CHRNA3: variants seen among roughly 807,000 people sequenced by gnomAD.
The protein encoded by CHRNA3 is cholinergic receptor nicotinic alpha 3 subunit, also known as neuronal acetylcholine receptor subunit alpha-3.
A neutral mutation model predicts 41.9 loss-of-function variants in CHRNA3; 34 were observed. The ratio of observed to expected loss-of-function variants is 0.81; its 90% CI spans 0.62 to 1.08. The LOEUF is 1.08. CHRNA3 is among the 50% of genes least tolerant of loss of function. CHRNA3 has a pLI of 0.00. For synonymous variants in CHRNA3, 281 were observed against 265.2 expected (o/e 1.06, Z -0.58); for missense variants, 542 against 638.3 (o/e 0.85, Z 1.63).
chr15:78,610,272 A>G (rs1039574803), intron 4 of CHRNA3, among the ~76,000 whole-genome samples: 8 of 152,250 alleles, frequency 5.3e-5, no homozygotes, highest in East Asian at 1.9e-4. Flanking sequence ...CAGAACATAC[A>G]TTTTTTTCAG....
Position 78,596,023 on chromosome 15 carries a change from A to T in CHRNA3, c.*581T>A, listed in dbSNP as rs1175137204. On this transcript the variant is annotated 3_prime_UTR_variant, in exon 6 of 6. Transcript: ENST00000326828. ...CAGTTTATGGTGTACTAAGACAGTT[A>T]TATTAACAATGAATAACTAGGCATG... 1.0e-6 allele frequency: 1 copy of T among 965,538 alleles called. No homozygotes were observed. Among genetic ancestry groups the T allele is most frequent in the Non-Finnish European group, 1.2e-6 (1 of 812,228 alleles). The allele number at this position is 965,538 out of a possible 1,614,324, so 59.8% of individuals were successfully genotyped here.
intron 5 of CHRNA3, among the ~76,000 whole-genome samples, chr15:78,598,730 G>C (rs1393177006): frequency 6.6e-6 from 1 of 152,056 alleles, no homozygotes; most frequent in Non-Finnish European, 1.5e-5. Context: ...GTAGAGATGG[G>C]GTTTTATGTT....
chr15:78,596,678 C>G lies in CHRNA3; in HGVS notation c.1444G>C (p.Val482Leu), dbSNP rs766591602. Reference sequence around the variant, plus strand: ...CCTAGAATGCACACCAGGGTGAAAACCCACAGAAAAATACGATCAATCACC... The same window carrying G: ...CCTAGAATGCACACCAGGGTGAAAAGCCACAGAAAAATACGATCAATCACC... ...AMVIDRIFLWVFTLVCILGTA... is the reference protein window; with the variant it reads ...AMVIDRIFLWLFTLVCILGTA... The change falls in exon 6 of 6, where the codon GTT (valine) becomes CTT (leucine). Residue 482 changes from valine (V) to leucine (L), a missense_variant. Coordinates refer to ENST00000326828, the MANE Select transcript of CHRNA3 (RefSeq NM_000743.5). 1 of 1,613,196 alleles carries G rather than the reference C, an allele frequency of 6.2e-7. No individual in the cohort carries two copies. The highest frequency in any genetic ancestry group is 8.5e-7 in the Non-Finnish European group (1 of 1,179,882).
At chr15:78,594,700 TTC>T (rs1428891705), downstream of CHRNA3, 1 of 152,196 alleles carries the variant, frequency 6.6e-6, no homozygotes, top group Non-Finnish European at 1.5e-5. Context: ...GTCTAAATCA[TTC>T]TGTGAGAAAA....
chr15:78,618,572 C>G (rs754240242), intron 3 of CHRNA3, 45 bp downstream of exon 3: 2 of 1,611,326 alleles, frequency 1.2e-6, no homozygotes, highest in Non-Finnish European at 8.5e-7. Context: ...GCAAATAAAA[C>G]AGTCACCACC....
chr15:78,600,676 G>C (rs1368778960), intron 5 of CHRNA3, among the ~76,000 whole-genome samples: 3 of 152,062 alleles, frequency 2.0e-5, no homozygotes, highest in African/African-American at 7.2e-5. Context: ...CGAGGAGTCT[G>C]AGACCAACCT....
intron 4 of CHRNA3, among the ~76,000 whole-genome samples, chr15:78,604,903 C>T (rs576229459): frequency 1.9e-4 from 29 of 152,172 alleles, no homozygotes; most frequent in Non-Finnish European, 3.5e-4. Context: ...ATCCCAGCTA[C>T]TCGGGAGGCT....
chr15:78,607,866 A>C (rs1311695449), intron 4 of CHRNA3, among the ~76,000 whole-genome samples: 3 of 152,196 alleles, frequency 2.0e-5, no homozygotes, highest in Non-Finnish European at 4.4e-5. Context: ...GGTCACTCCC[A>C]CCCTAATACT....
intron 5 of CHRNA3, among the ~76,000 whole-genome samples, chr15:78,600,388 A>T (rs901816906): frequency 2.0e-5 from 3 of 152,152 alleles, no homozygotes; most frequent in Admixed American, 2.0e-4. Context: ...GATGGTGGGT[A>T]CCAAGCAGGG....
At chr15:78,606,164 T>C (rs528821495) in intron 4 of CHRNA3, among the ~76,000 whole-genome samples, 1 of 150,776 alleles carries the variant, frequency 6.6e-6, no homozygotes, top group South Asian at 2.1e-4. Flanking sequence ...CTACCAAAAA[T>C]ACAAAAAAAA....
Position 78,597,173 on chromosome 15 carries a change from T to C in CHRNA3, c.1390-441A>G, listed in dbSNP as rs536071445. ...TTGGCGCAGTGGCTCACGCCTGTAA[T>C]CCCAGCACTTTGGGAGGCTGAGATC... On this transcript the variant is annotated intron_variant, in intron 5 of 5. Coordinates refer to ENST00000326828, the MANE Select transcript of CHRNA3 (RefSeq NM_000743.5). Among the ~76,000 whole-genome samples, 13 of 152,342 alleles carry C rather than the reference T, an allele frequency of 8.5e-5. No homozygotes were observed. In the South Asian group the frequency reaches 2.7e-3, roughly 32 times the overall value.
Position 78,601,442 on chromosome 15 carries a change from C to T in CHRNA3, c.1200G>A (p.Gly400=), listed in dbSNP as rs780382754. 2 of 1,614,144 alleles carry T rather than the reference C, an allele frequency of 1.2e-6. No homozygotes were observed. The highest frequency in any genetic ancestry group is 2.2e-5 in the East Asian group (1 of 44,860). The change falls in exon 5 of 6, where the codon GGG becomes GGA. Residue 400 remains glycine (G), a synonymous_variant. Transcript: ENST00000326828. The part of the protein sequence containing the change: ...GCKEGYPCQD[G]MCGYCHHRRI... ...TGCGGTGGTGGCAGTAACCACACAT[C>T]CCGTCCTGGCAGGGGTAGCCCTCCT... is the stretch of plus-strand genomic sequence containing the variant.
chr15:78,609,344 C>T (rs2053346897), intron 4 of CHRNA3, among the ~76,000 whole-genome samples: 1 of 152,178 alleles, frequency 6.6e-6, no homozygotes, highest in African/African-American at 2.4e-5. Flanking sequence ...TCGGGTTACC[C>T]ACAAAGGGAA....
At chr15:78,596,856 C>A in intron 5 of CHRNA3, 124 bp from the exon 6 acceptor site, 1 of 1,352,374 alleles carries the variant, frequency 7.4e-7, no homozygotes, top group Non-Finnish European at 9.6e-7. Flanking sequence ...ATGTAAGAAG[C>A]CCTTTTTTTC....
At chr15:78,599,670 C>T (rs116932868) in intron 5 of CHRNA3, among the ~76,000 whole-genome samples, 2,159 of 148,134 alleles carry the variant, frequency 0.015, 21 homozygotes, top group South Asian at 0.025. Flanking sequence ...GGATTTATTT[C>T]TCTTCTTATT....
At chr15:78,598,992 A>AC (rs1382816081) in intron 5 of CHRNA3, among the ~76,000 whole-genome samples, 4 of 146,734 alleles carry the variant, frequency 2.7e-5, no homozygotes, top group Admixed American at 6.9e-5. Context: ...TGCCACCACC[A>AC]CCCCCCGGTT....
chr15:78,596,700 C>T lies in CHRNA3; in HGVS notation c.1422G>A (p.Val474=). ...AAACCCACAGAAAAATACGATCAAT[C>T]ACCATGGCAACATACTTCCAATCAT... ...IQDDWKYVAM[V]IDRIFLWVFT... Residue 474 remains valine, a synonymous_variant, in exon 6 of 6, where the codon GTG becomes GTA. Coordinates refer to ENST00000326828, the MANE Select transcript of CHRNA3 (RefSeq NM_000743.5). 1 of 1,612,768 alleles carries T rather than the reference C, an allele frequency of 6.2e-7. No individual in the cohort carries two copies. Among genetic ancestry groups the T allele is most frequent in the African/African-American group, 1.3e-5 (1 of 74,968 alleles).
downstream of CHRNA3, chr15:78,593,266 G>C: frequency 6.3e-7 from 1 of 1,598,506 alleles, no homozygotes; most frequent in Non-Finnish European, 8.5e-7. Flanking sequence ...CCTCCCAAGG[G>C]ACTGAAGTAT....
intron 4 of CHRNA3, among the ~76,000 whole-genome samples, chr15:78,615,723 G>A (rs2053450894): frequency 6.8e-6 from 1 of 148,134 alleles, no homozygotes; most frequent in Non-Finnish European, 1.5e-5. Context: ...AAAATATTTT[G>A]AATTCAGGCA....
Sources: allele counts gnomAD v4.1 joint callset (sites outside exome capture counted in the v4.1 genomes callset), GRCh38; gene constraint gnomAD v4.1.1; transcripts MANE v1.5; gene names NCBI Gene and HGNC (gene_info 2026-07-23, HGNC 2026-07-21).